The following MTDH variants were observed in gnomAD, a reference collection of about 807,000 sequenced individuals.
MTDH encodes protein LYRIC.
Under a neutral mutation model 72.7 loss-of-function variants are expected in MTDH, and 34 were observed. The observed-to-expected ratio is 0.47, with a 90% CI of 0.36 to 0.62. The LOEUF is 0.62. MTDH is among the 20% of genes least tolerant of loss of function. MTDH has a pLI of 0.00. For missense variants in MTDH, 677 were observed against 699.4 expected (o/e 0.97, Z 0.36); for synonymous variants, 266 against 268.9 (o/e 0.99, Z 0.10).
At position 97,719,112 on chromosome 8, in the gene MTDH, C is replaced by A. The variant is rs1199972683; in HGVS notation, c.1444C>A (p.Pro482Thr). Reference sequence around the variant, plus strand: ...TCCAGTGAATACCTCTAAAACCCGTCCAAAACAGGAAAAAGCTTTTTCCTT... The same window carrying A: ...TCCAGTGAATACCTCTAAAACCCGTACAAAACAGGAAAAAGCTTTTTCCTT... ...DLPVNTSKTR[P>T]KQEKAFSLKT... Residue 482 changes from proline to threonine, a missense_variant, in exon 10 of 12, where the codon CCA becomes ACA. Around this residue, in one of 3 missense-constraint regions of MTDH, gnomAD observed 201 missense variants for 204.5 expected, o/e 0.98. Coordinates refer to ENST00000336273, the MANE Select transcript of MTDH (RefSeq NM_178812.4). 2 of 1,614,010 alleles carry A rather than the reference C, an allele frequency of 1.2e-6. No homozygotes were observed. The highest frequency in any genetic ancestry group is 1.7e-6 in the Non-Finnish European group (2 of 1,179,902).
At chr8:97,710,051 AT>A (rs1212057875) in intron 8 of MTDH, among the ~76,000 whole-genome samples, 1 of 152,220 alleles carries the variant, frequency 6.6e-6, no homozygotes, top group Non-Finnish European at 1.5e-5. Flanking sequence ...TTCATATGGC[AT>A]TTTAATCATT....
intron 2 of MTDH, among the ~76,000 whole-genome samples, chr8:97,671,212 G>A (rs1289379193): frequency 2.0e-5 from 3 of 151,740 alleles, no homozygotes; most frequent in East Asian, 1.9e-4. Context: ...GGTGATCCTC[G>A]TGTCTCGGCC....
chr8:97,682,208 A>G (rs1447725062), intron 2 of MTDH, among the ~76,000 whole-genome samples: 8 of 99,894 alleles, frequency 8.0e-5, no homozygotes, highest in African/African-American at 3.1e-4. Context: ...TCTTATCGGG[A>G]TGGGTGTTCT....
chr8:97,644,212 C>G lies in MTDH; in HGVS notation c.-295C>G. On this transcript the variant is annotated 5_prime_UTR_variant, in exon 1 of 12. Coordinates refer to ENST00000336273, the MANE Select transcript of MTDH (RefSeq NM_178812.4). Reference sequence around the variant, plus strand: ...CCGCCATTGTTCCGCCGAGGGAGGACAGCGGGGCCTGGCGCTGGCGCCGAG... The same window carrying G: ...CCGCCATTGTTCCGCCGAGGGAGGAGAGCGGGGCCTGGCGCTGGCGCCGAG... 4.5e-6 allele frequency: 2 copies of G among 440,134 alleles called. No homozygotes were observed. Among genetic ancestry groups the G allele is most frequent in the Non-Finnish European group, 8.0e-6 (2 of 250,000 alleles). The allele number at this position is 440,134 out of a possible 1,614,324, so 27.3% of individuals were successfully genotyped here. A position where few individuals can be genotyped will look rare whatever the true frequency, so the allele number is the denominator to read the frequency against.
At position 97,691,066 on chromosome 8, in the gene MTDH, C is replaced by T. The variant is rs368979821; in HGVS notation, c.926C>T (p.Pro309Leu). Residue 309 changes from proline to leucine, a missense_variant, in exon 6 of 12, where the codon CCT (proline) becomes CTT (leucine). Pro to Leu is a moderately conservative substitution (Grantham distance 98, BLOSUM62 -3). Transcript: ENST00000336273. ...GAGGAGAAGTGGAACTCCGTTTCACCTGCTTCTGCAGGAAAGAGGAAAACT... is the reference window on the plus strand; with the variant it reads ...GAGGAGAAGTGGAACTCCGTTTCACTTGCTTCTGCAGGAAAGAGGAAAACT... The part of the protein sequence containing the change: ...AGEEKWNSVS[P>L]ASAGKRKTEP... The T allele has an allele frequency of 3.8e-5, 61 of 1,613,974 alleles. No individual in the cohort carries two copies. Among genetic ancestry groups the T allele is most frequent in the Non-Finnish European group, 4.9e-5 (58 of 1,179,998 alleles).
At chr8:97,723,604 G>A (rs376181415) in intron 11 of MTDH, among the ~76,000 whole-genome samples, 5 of 149,082 alleles carry the variant, frequency 3.4e-5, no homozygotes, top group South Asian at 4.3e-4. Context: ...TTAGCCGGGC[G>A]TGGTGGCAGG....
At position 97,713,755 on chromosome 8, in the gene MTDH, A is replaced by G; in HGVS notation, c.1366A>G (p.Asn456Asp). The part of the protein sequence containing the change: ...KKKKKKQGED[N>D]STAQDTEELE... ...GAAAAAGAAGAAGCAAGGTGAAGAT[A>G]ACTCTACTGCACAGGTAAAATGTCA... Residue 456 changes from asparagine (N) to aspartate (D), a missense_variant, in exon 9 of 12, where the codon AAC becomes GAC. By Grantham distance (23) the Asn-to-Asp change is conservative (BLOSUM62 1). This residue lies in a region of MTDH where 201 missense variants were observed against 204.5 expected (regional missense o/e 0.98). Transcript: ENST00000336273. The G allele has an allele frequency of 2.5e-6, 4 of 1,590,450 alleles. No individual in the cohort carries two copies. The South Asian group carries it at 4.5e-5, about 18-fold the overall frequency.
intron 11 of MTDH, among the ~76,000 whole-genome samples, chr8:97,724,304 C>A (rs1480163140): frequency 6.6e-6 from 1 of 152,046 alleles, no homozygotes; most frequent in Non-Finnish European, 1.5e-5. Flanking sequence ...ATCCATTTTA[C>A]CCATTTTTCT....
In MTDH at chr8:97,661,222, A is replaced by G. The variant is rs777683435; in HGVS notation, c.483+49A>G. 3 of 1,307,604 alleles carry G rather than the reference A, an allele frequency of 2.3e-6. No individual in the cohort carries two copies. The African/African-American group carries it at 4.4e-5, about 19-fold the overall frequency. 81.0% of individuals were successfully genotyped at this position (1,307,604 alleles called of 1,614,324 possible). The stretch of plus-strand genomic sequence containing the variant: ...TGTATGCAAGACTCTTAATAGAATG[A>G]CATATAAGGATAATGCTTTTCTGTT... On this transcript the variant is annotated intron_variant, in intron 2 of 11. Coordinates refer to ENST00000336273, the MANE Select transcript of MTDH (RefSeq NM_178812.4).
chr8:97,687,426 C>T lies in MTDH; in HGVS notation c.569-3C>T, dbSNP rs564791221. ...TAACATTTTTTTTCTGGGGCTATGT[C>T]AGGAGCCTGGGAAACTAAAATTAGT... On this transcript the variant is annotated splice_region_variant and splice_polypyrimidine_tract_variant and intron_variant, in intron 3 of 11. Coordinates refer to ENST00000336273, the MANE Select transcript of MTDH (RefSeq NM_178812.4). 1 of 1,586,282 alleles carries T rather than the reference C, an allele frequency of 6.3e-7. No individual in the cohort carries two copies. The highest frequency in any genetic ancestry group is 1.8e-5 in the Admixed American group (1 of 55,360).
At chr8:97,705,855 G>T (rs183797697) in intron 7 of MTDH, among the ~76,000 whole-genome samples, 66 of 152,294 alleles carry the variant, frequency 4.3e-4, no homozygotes, top group Admixed American at 4.1e-3. Context: ...ATTTAATCTG[G>T]TTAAAGGCAA....
rs759950833 is a variant in MTDH, at chr8:97,713,740, A to C, written c.1351A>C (p.Lys451Gln). The C allele has an allele frequency of 1.9e-5, 31 of 1,603,568 alleles. No homozygotes were observed. The highest frequency in any genetic ancestry group is 1.7e-4 in the Middle Eastern group (1 of 6,038). ...KSKKKKKKKKKQGEDNSTAQD... is the reference protein window; with the variant it reads ...KSKKKKKKKKQQGEDNSTAQD... Reference sequence around the variant, plus strand: ...CAAAAAGAAAAAAAAGAAAAAGAAGAAGCAAGGTGAAGATAACTCTACTGC... The same window carrying C: ...CAAAAAGAAAAAAAAGAAAAAGAAGCAGCAAGGTGAAGATAACTCTACTGC... The change falls in exon 9 of 12, where the codon AAG becomes CAG. Residue 451 changes from lysine to glutamine, a missense_variant. By Grantham distance (53) the Lys-to-Gln change is moderately conservative. Coordinates refer to ENST00000336273, the MANE Select transcript of MTDH (RefSeq NM_178812.4).
chr8:97,706,839 G>A (rs1272748875), intron 8 of MTDH, 89 bp downstream of exon 8: 4 of 1,443,206 alleles, frequency 2.8e-6, no homozygotes, highest in Admixed American at 2.2e-5. Flanking sequence ...CAGCACTTTG[G>A]GAGGTACTGT....
intron 10 of MTDH, among the ~76,000 whole-genome samples, chr8:97,720,055 G>T (rs1490026474): frequency 1.3e-5 from 2 of 152,194 alleles, no homozygotes; most frequent in African/African-American, 2.4e-5. Flanking sequence ...GGGAGGCCAA[G>T]GTGGGTGGAT....
chr8:97,686,661 C>T lies in MTDH; in HGVS notation c.484-7C>T, dbSNP rs775995787. 1.3e-6 allele frequency: 2 copies of T among 1,532,154 alleles called. No homozygotes were observed. Among genetic ancestry groups the T allele is most frequent in the Non-Finnish European group, 1.8e-6 (2 of 1,134,518 alleles). The allele number at this position is 1,532,154 out of a possible 1,614,324, so 94.9% of individuals were successfully genotyped here. ...AAATATTAAGTAACATTCTATTTTA[C>T]TTTCAGTCAAAGAAAAATAAGAAGA... On this transcript the variant is annotated splice_polypyrimidine_tract_variant and splice_region_variant and intron_variant, in intron 2 of 11. Transcript: ENST00000336273.
chr8:97,683,938 C>T (rs1052920139), intron 2 of MTDH, among the ~76,000 whole-genome samples: 7 of 152,054 alleles, frequency 4.6e-5, no homozygotes, highest in Middle Eastern at 3.4e-3. Flanking sequence ...ATGGAAAAAC[C>T]CCATCTCTAC....
intron 2 of MTDH, among the ~76,000 whole-genome samples, chr8:97,667,053 A>G (rs1215993997): frequency 6.6e-6 from 1 of 152,086 alleles, no homozygotes; most frequent in African/African-American, 2.4e-5. Context: ...GCGCAGTGGC[A>G]CAGTCATGCT....
intron 8 of MTDH, among the ~76,000 whole-genome samples, chr8:97,709,796 G>A (rs1814546837): frequency 6.6e-6 from 1 of 152,130 alleles, no homozygotes; most frequent in African/African-American, 2.4e-5. Context: ...TTGGGAAGCG[G>A]TATAAAGGAA....
At chr8:97,721,380 T>C (rs920860226) in intron 10 of MTDH, among the ~76,000 whole-genome samples, 1 of 151,584 alleles carries the variant, frequency 6.6e-6, no homozygotes, top group African/African-American at 2.4e-5. Flanking sequence ...GAGGCAGAGG[T>C]TGCAGTGAAT....
Sources: allele counts gnomAD v4.1 joint callset (sites outside exome capture counted in the v4.1 genomes callset), GRCh38; gene constraint gnomAD v4.1.1; regional missense constraint gnomAD v4.1.1; transcripts MANE v1.5; gene names NCBI Gene and HGNC (gene_info 2026-07-23, HGNC 2026-07-21).